GALNS: variants seen among roughly 807,000 people sequenced by gnomAD.
GALNS encodes galactosamine (N-acetyl)-6-sulfatase.
Under a neutral mutation model 65.9 loss-of-function variants are expected in GALNS, and 65 were observed. The ratio of observed to expected loss-of-function variants is 0.99; its 90% CI spans 0.81 to 1.21. The LOEUF is 1.21. Among genes scored for constraint, GALNS ranks in the 50% most tolerant of loss-of-function variants. GALNS has a pLI of 0.00. For missense variants in GALNS, 776 were observed against 700.7 expected (o/e 1.11, Z -1.21); for synonymous variants, 346 against 288.9 (o/e 1.20, Z -2.00).
chr16:88,851,849 G>A (rs1027827447), intron 1 of GALNS, among the ~76,000 whole-genome samples: 21 of 152,222 alleles, frequency 1.4e-4, no homozygotes, highest in African/African-American at 3.6e-4. Context: ...TAAACAAAGC[G>A]GCAGGGAAGC....
At chr16:88,818,189 T>A in intron 12 of GALNS, 65 bp from the exon 13 acceptor site, 1 of 1,306,310 alleles carries the variant, frequency 7.7e-7, no homozygotes, top group Non-Finnish European at 1.1e-6. Context: ...GGGGCTGGCC[T>A]GGACAGGCTG....
At chr16:88,835,946 G>T in intron 6 of GALNS, 97 bp from the exon 7 acceptor site, 1 of 1,565,590 alleles carries the variant, frequency 6.4e-7, no homozygotes, top group Non-Finnish European at 8.7e-7. Context: ...GGCGAGGTTG[G>T]TGCGGTCCCC....
At chr16:88,848,424 G>A (rs559074276) in intron 1 of GALNS, among the ~76,000 whole-genome samples, 49 of 152,280 alleles carry the variant, frequency 3.2e-4, no homozygotes, top group African/African-American at 1.0e-3. Flanking sequence ...AGGTGGTCAG[G>A]AGATCGAGAC....
In GALNS at chr16:88,834,596, T is replaced by C. The variant is rs1260956686; in HGVS notation, c.898+617A>G. Among the ~76,000 whole-genome samples the C allele has an allele frequency of 6.1e-4, 33 of 53,862 alleles. No homozygotes were observed. The East Asian group carries it at 7.4e-3, about 12-fold the overall frequency. 35.3% of individuals were successfully genotyped at this position (53,862 alleles called of 152,430 possible). On this transcript the variant is annotated intron_variant, in intron 8 of 13. Coordinates refer to ENST00000268695, the MANE Select transcript of GALNS (RefSeq NM_000512.5). ...CTCAGCGTGGTCTGGGAAGAGGCTGTAGGGCCCCCCCCGTGTGGTCTGGGA... is the reference window on the plus strand; with the variant it reads ...CTCAGCGTGGTCTGGGAAGAGGCTGCAGGGCCCCCCCCGTGTGGTCTGGGA...
At chr16:88,853,572 T>C (rs1967609275) in intron 1 of GALNS, among the ~76,000 whole-genome samples, 1 of 152,044 alleles carries the variant, frequency 6.6e-6, no homozygotes, top group Non-Finnish European at 1.5e-5. Context: ...AACCCTATTT[T>C]CCAAATAAGG....
intron 1 of GALNS, among the ~76,000 whole-genome samples, chr16:88,847,522 C>G (rs1432740503): frequency 1.3e-5 from 2 of 152,194 alleles, no homozygotes; most frequent in Non-Finnish European, 2.9e-5. Context: ...GCCTGGAGGC[C>G]GAGTGGGGCT....
intron 12 of GALNS, 89 bp downstream of exon 12, chr16:88,822,500 G>C (rs1479248375): frequency 6.4e-7 from 1 of 1,552,386 alleles, no homozygotes; most frequent in Admixed American, 1.7e-5. Context: ...GGCGGGCAGG[G>C]TGCAGAGGGC....
intron 10 of GALNS, among the ~76,000 whole-genome samples, chr16:88,826,158 C>T (rs1235090332): frequency 3.5e-5 from 4 of 114,808 alleles, no homozygotes; most frequent in South Asian, 3.2e-4. Flanking sequence ...ACAGGGGCAG[C>T]GTGTGCCCGG....
At chr16:88,849,565 T>A (rs922860291) in intron 1 of GALNS, among the ~76,000 whole-genome samples, 2 of 152,080 alleles carry the variant, frequency 1.3e-5, no homozygotes, top group African/African-American at 4.8e-5. Flanking sequence ...GGATTACAGG[T>A]GTGAACCACC....
chr16:88,834,356 GCC>G (rs368259655), intron 8 of GALNS, among the ~76,000 whole-genome samples: 57 of 106,396 alleles, frequency 5.4e-4, no homozygotes, highest in South Asian at 1.4e-3. Flanking sequence ...AGGCTGCAGG[GCC>G]CCCCCCCGCG....
intron 9 of GALNS, among the ~76,000 whole-genome samples, chr16:88,827,993 C>A (rs767606793): frequency 2.0e-5 from 3 of 152,262 alleles, no homozygotes; most frequent in African/African-American, 4.8e-5. Flanking sequence ...AACAGAGGAG[C>A]CCTGGCCTCA....
rs1401027454 is a variant in GALNS, at chr16:88,816,296, AG to A, written c.1482+1710del. On this transcript the variant is annotated intron_variant, in intron 13 of 13. Transcript: ENST00000268695. The stretch of plus-strand genomic sequence containing the variant: ...GGAGCCACTGCAGCCTGGGTCGTAG[AG>A]AAGGACCCAGCAGCACGGAGTGGGA... The A allele has an allele frequency of 1.1e-5, 11 of 985,354 alleles. No individual in the cohort carries two copies. The African/African-American group carries it at 1.7e-4, about 16-fold the overall frequency. 61.0% of individuals were successfully genotyped at this position (985,354 alleles called of 1,614,324 possible). A position where few individuals can be genotyped will look rare whatever the true frequency, so the allele number is the denominator to read the frequency against.
At chr16:88,826,637 G>A in intron 10 of GALNS, 65 bp downstream of exon 10, 2 of 1,574,724 alleles carry the variant, frequency 1.3e-6, no homozygotes, top group South Asian at 1.1e-5. Flanking sequence ...GGTTGCACCT[G>A]ATTAGCAGCT....
intron 10 of GALNS, 70 bp downstream of exon 10, chr16:88,826,632 C>T: frequency 6.4e-7 from 1 of 1,561,290 alleles, no homozygotes; most frequent in Non-Finnish European, 8.8e-7. Context: ...CTGGGGGTTG[C>T]ACCTGATTAG....
At chr16:88,852,715 T>C (rs1213933218) in intron 1 of GALNS, among the ~76,000 whole-genome samples, 2 of 152,150 alleles carry the variant, frequency 1.3e-5, no homozygotes, top group African/African-American at 2.4e-5. Context: ...CTGAAAACCA[T>C]GGCACCAGAA....
intron 1 of GALNS, among the ~76,000 whole-genome samples, chr16:88,847,479 T>C (rs1209495896): frequency 6.6e-6 from 1 of 152,222 alleles, no homozygotes; most frequent in Non-Finnish European, 1.5e-5. Context: ...GACTGCCACC[T>C]GCATGGACAG....
At chr16:88,820,143 TC>T (rs1317076604) in intron 12 of GALNS, among the ~76,000 whole-genome samples, 1 of 151,416 alleles carries the variant, frequency 6.6e-6, no homozygotes, top group African/African-American at 2.4e-5. Flanking sequence ...CGTCTTTTTT[TC>T]TTTAGACGGA....
Position 88,818,594 on chromosome 16 carries a change from C to CT in GALNS, c.1365-471dup, listed in dbSNP as rs142065583. Among the ~76,000 whole-genome samples, 43 of 152,338 alleles carry CT rather than the reference C, an allele frequency of 2.8e-4. No individual in the cohort carries two copies. In the East Asian group the frequency reaches 8.1e-3, roughly 29 times the overall value. On this transcript the variant is annotated intron_variant, in intron 12 of 13. Transcript: ENST00000268695. Reference sequence around the variant, plus strand: ...TGCAGTTCTAAAATTCCAATGCAAGCTGCGGAGTGTTTGGATTCCTTTCAT... The same window carrying CT: ...TGCAGTTCTAAAATTCCAATGCAAGCTTGCGGAGTGTTTGGATTCCTTTCAT...
rs1223848239 is a variant in GALNS at position 88,814,526 on chromosome 16, C to G, written c.1483-1G>C. The G allele has an allele frequency of 1.3e-6, 2 of 1,554,542 alleles. No individual in the cohort carries two copies. The highest frequency in any genetic ancestry group is 2.4e-5 in the East Asian group (1 of 41,612). On this transcript the variant is annotated splice_acceptor_variant, in intron 13 of 13. Coordinates refer to ENST00000268695, the MANE Select transcript of GALNS (RefSeq NM_000512.5). LOFTEE classifies it high-confidence loss of function. ...TTTCACAGCCCGGAGGTGCCCAGTT[C>G]TGGGAAATGAAAATTGAGAAAAAGA... is the stretch of plus-strand genomic sequence containing the variant.
Sources: allele counts gnomAD v4.1 joint callset (sites outside exome capture counted in the v4.1 genomes callset), GRCh38; gene constraint gnomAD v4.1.1; transcripts MANE v1.5; gene names NCBI Gene and HGNC (gene_info 2026-07-23, HGNC 2026-07-21).